The following FIGN variants were observed in gnomAD, a reference collection of about 807,000 sequenced individuals.
FIGN encodes fidgetin.
A neutral mutation model predicts 51.3 loss-of-function variants in FIGN; 11 were observed. The observed-to-expected ratio is 0.21, with a 90% CI of 0.13 to 0.35. The LOEUF is 0.35. FIGN is among the 10% of genes least tolerant of loss of function. The pLI, the probability that FIGN is intolerant of heterozygous loss-of-function variation, is 1.00. For missense variants in FIGN, 857 were observed against 943.6 expected (o/e 0.91, Z 1.20); for synonymous variants, 407 against 363.2 (o/e 1.12, Z -1.37).
chr2:163,669,316 A>T (rs1683838799), intron 2 of FIGN, among the ~76,000 whole-genome samples: 1 of 152,054 alleles, frequency 6.6e-6, no homozygotes, highest in South Asian at 2.1e-4. Context: ...GGCTCAAGTG[A>T]TCCTCCTGGC....
chr2:163,706,133 C>T (rs185666991), intron 2 of FIGN, among the ~76,000 whole-genome samples: 1 of 152,236 alleles, frequency 6.6e-6, no homozygotes, highest in East Asian at 1.9e-4. Context: ...TAATGCTCTT[C>T]TAAAGCTTGT....
intron 2 of FIGN, among the ~76,000 whole-genome samples, chr2:163,660,705 A>ATTTTTTTTTTT: frequency 8.5e-6 from 1 of 117,718 alleles, no homozygotes; most frequent in East Asian, 2.4e-4. Context: ...ATATATATGT[A>ATTTTTTTTTTT]TACACATATA....
intron 2 of FIGN, among the ~76,000 whole-genome samples, chr2:163,636,827 T>A (rs1424016639): frequency 1.3e-5 from 2 of 151,980 alleles, no homozygotes; most frequent in East Asian, 3.9e-4. Context: ...AAATAAGATA[T>A]TAAGAAAAAT....
chr2:163,726,338 A>AG (rs1382428765), intron 2 of FIGN, among the ~76,000 whole-genome samples: 2 of 152,090 alleles, frequency 1.3e-5, no homozygotes, highest in African/African-American at 4.8e-5. Context: ...CGATAAGGGC[A>AG]GGGGGGATAA....
chr2:163,631,045 A>G (rs191948405), intron 2 of FIGN, among the ~76,000 whole-genome samples: 1 of 152,246 alleles, frequency 6.6e-6, no homozygotes, highest in East Asian at 1.9e-4. Flanking sequence ...TGAGTTTACG[A>G]GTTGAGCTCT....
chr2:163,704,352 G>A (rs537183753), intron 2 of FIGN, among the ~76,000 whole-genome samples: 27 of 152,152 alleles, frequency 1.8e-4, no homozygotes, highest in African/African-American at 5.5e-4. Context: ...GAGGCATAAA[G>A]TGGCAATTCT....
intron 2 of FIGN, among the ~76,000 whole-genome samples, chr2:163,645,054 GT>G (rs1219265923): frequency 6.6e-6 from 1 of 151,990 alleles, no homozygotes; most frequent in Non-Finnish European, 1.5e-5. Context: ...CTATTGAACT[GT>G]ACACTTTAAA....
chr2:163,705,558 G>C (rs1178422516), intron 2 of FIGN, among the ~76,000 whole-genome samples: 1 of 151,654 alleles, frequency 6.6e-6, no homozygotes, highest in Non-Finnish European at 1.5e-5. Flanking sequence ...AAATACATAA[G>C]TTGACAACAT....
Position 163,611,568 on chromosome 2 carries a change from G to A in FIGN, c.264C>T (p.Leu88=). Reference sequence around the variant, plus strand: ...CTGATGGTGTGTCCGAATAGTTGCTGAGTACGGGTCGGTCCACAGGACCTT... The same window carrying A: ...CTGATGGTGTGTCCGAATAGTTGCTAAGTACGGGTCGGTCCACAGGACCTT... The part of the protein sequence containing the change: ...ILEGPVDRPV[L]SNYSDTPSGL... Residue 88 remains leucine (L), a synonymous_variant, in exon 3 of 3, where the codon CTC becomes CTT. Transcript: ENST00000333129. 1 of 1,614,254 alleles carries A rather than the reference G, an allele frequency of 6.2e-7. No individual in the cohort carries two copies. Among genetic ancestry groups the A allele is most frequent in the Non-Finnish European group, 8.5e-7 (1 of 1,180,036 alleles).
chr2:163,609,453 G>C lies in FIGN; in HGVS notation c.*99C>G. 9.9e-7 allele frequency: 1 copy of C among 1,010,076 alleles called. No individual in the cohort carries two copies. The highest frequency in any genetic ancestry group is 1.4e-6 in the Non-Finnish European group (1 of 696,754). 62.6% of individuals were successfully genotyped at this position (1,010,076 alleles called of 1,614,324 possible). ...ATCGTCATCTTCCCCAGTACCCTTTGCAATTTAAACTCTACTGGAAAGGGG... is the reference window on the plus strand; with the variant it reads ...ATCGTCATCTTCCCCAGTACCCTTTCCAATTTAAACTCTACTGGAAAGGGG... On this transcript the variant is annotated 3_prime_UTR_variant, in exon 3 of 3. Coordinates refer to ENST00000333129, the MANE Select transcript of FIGN (RefSeq NM_018086.4).
chr2:163,606,407 A>C lies in FIGN; in HGVS notation c.*3145T>G, dbSNP rs1691112699. 6.6e-6 allele frequency: 1 copy of C among 152,178 alleles called. No individual in the cohort carries two copies. The highest frequency in any genetic ancestry group is 1.5e-5 in the Non-Finnish European group (1 of 68,062). 9.4% of individuals were successfully genotyped at this position (152,178 alleles called of 1,614,324 possible). On this transcript the variant is annotated 3_prime_UTR_variant, in exon 3 of 3. Coordinates refer to ENST00000333129, the MANE Select transcript of FIGN (RefSeq NM_018086.4). Reference sequence around the variant, plus strand: ...GGAAATGTTGCTGCAGTTGGGAAGAAGGGAATTAGGGGCTGTAAAGTGGAA... The same window carrying C: ...GGAAATGTTGCTGCAGTTGGGAAGACGGGAATTAGGGGCTGTAAAGTGGAA...
chr2:163,679,944 T>A (rs1684036104), intron 2 of FIGN, among the ~76,000 whole-genome samples: 1 of 152,202 alleles, frequency 6.6e-6, no homozygotes, highest in South Asian at 2.1e-4. Context: ...AAGTGAGAAA[T>A]ATGAAACTCA....
chr2:163,673,382 C>T (rs912170509), intron 2 of FIGN, among the ~76,000 whole-genome samples: 6 of 151,920 alleles, frequency 3.9e-5, no homozygotes, highest in Non-Finnish European at 7.4e-5. Context: ...AATTTTTAAG[C>T]CAAGAATATA....
At chr2:163,644,627 T>C (rs1477276148) in intron 2 of FIGN, among the ~76,000 whole-genome samples, 1 of 152,166 alleles carries the variant, frequency 6.6e-6, no homozygotes, top group Non-Finnish European at 1.5e-5. Flanking sequence ...AACTTGTGTA[T>C]GAAAGTTCAC....
intron 2 of FIGN, among the ~76,000 whole-genome samples, chr2:163,647,118 C>T (rs1231908074): frequency 6.6e-6 from 1 of 152,218 alleles, no homozygotes; most frequent in Non-Finnish European, 1.5e-5. Context: ...AACAAAGGCT[C>T]TCTCTGTTTT....
chr2:163,718,072 A>T (rs965207821), intron 2 of FIGN, among the ~76,000 whole-genome samples: 1 of 151,956 alleles, frequency 6.6e-6, no homozygotes, highest in African/African-American at 2.4e-5. Context: ...GAGGGGGGAG[A>T]GTGTGTCAAG....
chr2:163,634,122 G>A (rs1443475047), intron 2 of FIGN, among the ~76,000 whole-genome samples: 1 of 150,064 alleles, frequency 6.7e-6, no homozygotes, highest in African/African-American at 2.5e-5. Flanking sequence ...GTGTGTGTGT[G>A]TTTGGCTCAC....
intron 2 of FIGN, among the ~76,000 whole-genome samples, chr2:163,727,469 T>C: frequency 6.6e-6 from 1 of 152,128 alleles, no homozygotes; most frequent in Non-Finnish European, 1.5e-5. Flanking sequence ...CAGCTTTCTT[T>C]CATTAAAGTG....
At chr2:163,717,306 A>G (rs552773802) in intron 2 of FIGN, among the ~76,000 whole-genome samples, 2 of 152,302 alleles carry the variant, frequency 1.3e-5, no homozygotes, top group East Asian at 3.9e-4. Context: ...GCAGAGAAAG[A>G]GAGCAATTTT....
Sources: gnomAD v4.1 joint callset for allele counts (sites outside exome capture counted in the v4.1 genomes callset) on GRCh38, gnomAD v4.1.1 for gene constraint, MANE v1.5 for transcripts, NCBI Gene and HGNC (gene_info 2026-07-23, HGNC 2026-07-21) for gene names.